LINGO2: variants seen among roughly 807,000 people sequenced by gnomAD.
LINGO2 encodes leucine rich repeat and Ig domain containing 2.
LINGO2 carries 14 observed loss-of-function variants against 30.6 expected under a neutral mutation model. That is an observed-to-expected ratio of 0.46 (90% CI 0.30 to 0.72). The LOEUF (loss-of-function observed/expected upper bound fraction) is 0.72. LINGO2 is among the 30% of genes least tolerant of loss of function. The pLI is 0.07. For synonymous variants in LINGO2, 317 were observed against 288.5 expected (o/e 1.10, Z -1.00); for missense variants, 729 against 751.7 (o/e 0.97, Z 0.35).
At chr9:28,054,064 C>CAAAAAAAAAAAAAAAAAAAAA (rs11461978) in intron 4 of LINGO2, among the ~76,000 whole-genome samples, 4 of 149,190 alleles carry the variant, frequency 2.7e-5, no homozygotes, top group African/African-American at 9.8e-5. Flanking sequence ...AGCTAGCAGA[C>CAAAAAAAAAAAAAAAAAAAAA]AAAAAAAAAG....
chr9:28,217,629 C>T (rs1442944830), intron 4 of LINGO2, among the ~76,000 whole-genome samples: 1 of 151,830 alleles, frequency 6.6e-6, no homozygotes, highest in Admixed American at 6.6e-5. Flanking sequence ...TCCTTATTTT[C>T]CCATAGTTTA....
chr9:28,248,970 G>A lies in LINGO2; in HGVS notation c.-87+46238C>T, dbSNP rs139087662. Among the ~76,000 whole-genome samples, 102 of 152,144 alleles carry A rather than the reference G, an allele frequency of 6.7e-4. No homozygotes were observed. The Middle Eastern group carries it at 0.01, about 15-fold the overall frequency. Reference sequence around the variant, plus strand: ...TCATTAATCTAAGCCATCTATGACAGGAACAGTGCTTTTCTAGGGCTTCTA... The same window carrying A: ...TCATTAATCTAAGCCATCTATGACAAGAACAGTGCTTTTCTAGGGCTTCTA... On this transcript the variant is annotated intron_variant, in intron 4 of 5. Coordinates refer to ENST00000379992, the Ensembl canonical transcript of LINGO2.
In LINGO2 at chr9:28,219,711, T is replaced by C. The variant is rs184702018; in HGVS notation, c.-87+75497A>G. Among the ~76,000 whole-genome samples the C allele has an allele frequency of 8.4e-4, 128 of 152,294 alleles. 1 individual carries two copies. The highest frequency in any genetic ancestry group is 2.6e-4 in the Non-Finnish European group (18 of 68,010). On this transcript the variant is annotated intron_variant, in intron 4 of 5. Transcript: ENST00000379992. ...TATACCCTTCATAGTTAGTTATGCA[T>C]GTTGTAGAACAGCATTTACAAAGTA... is the stretch of plus-strand genomic sequence containing the variant.
chr9:28,965,112 A>C, the LINGO2 span, among the ~76,000 whole-genome samples: 1 of 152,010 alleles, frequency 6.6e-6, no homozygotes, highest in Non-Finnish European at 1.5e-5. Context: ...AAGAGTAGAA[A>C]TGACATGCAT....
At chr9:28,918,227 G>A in the LINGO2 span, among the ~76,000 whole-genome samples, 1 of 152,142 alleles carries the variant, frequency 6.6e-6, no homozygotes, top group African/African-American at 2.4e-5. Context: ...AAATGAGGAA[G>A]ATGCAAAAGC....
the LINGO2 span, among the ~76,000 whole-genome samples, chr9:29,069,719 T>C: frequency 6.6e-6 from 1 of 152,044 alleles, no homozygotes; most frequent in African/African-American, 2.4e-5. Flanking sequence ...ACTAATCTGT[T>C]AATAGAGTTT....
At chr9:28,210,387 A>G (rs1190923711) in intron 4 of LINGO2, among the ~76,000 whole-genome samples, 1 of 151,598 alleles carries the variant, frequency 6.6e-6, no homozygotes, top group Non-Finnish European at 1.5e-5. Flanking sequence ...GAACTCCATC[A>G]CTTTGATGTG....
chr9:28,125,473 A>G (rs1226057001), intron 4 of LINGO2, among the ~76,000 whole-genome samples: 1 of 152,240 alleles, frequency 6.6e-6, no homozygotes, highest in East Asian at 1.9e-4. Flanking sequence ...GGCACTCTGG[A>G]CATAAAGTAT....
chr9:27,985,885 G>A (rs142775663), intron 5 of LINGO2, among the ~76,000 whole-genome samples: 11 of 151,872 alleles, frequency 7.2e-5, no homozygotes, highest in East Asian at 3.9e-4. Context: ...AAAATCAAAC[G>A]GAACTTGTTA....
At chr9:28,845,886 A>G in the LINGO2 span, among the ~76,000 whole-genome samples, 1 of 151,688 alleles carries the variant, frequency 6.6e-6, no homozygotes, top group Admixed American at 6.6e-5. Flanking sequence ...GATCTTATTA[A>G]GTTCAGAGAC....
chr9:28,693,351 T>C, the LINGO2 span, among the ~76,000 whole-genome samples: 1 of 152,192 alleles, frequency 6.6e-6, no homozygotes, highest in East Asian at 1.9e-4. Context: ...CTGTAACTGA[T>C]ACTTCATTCA....
chr9:28,317,602 A>G (rs1053164924), intron 3 of LINGO2, among the ~76,000 whole-genome samples: 2 of 152,166 alleles, frequency 1.3e-5, no homozygotes, highest in African/African-American at 2.4e-5. Flanking sequence ...TATTGTGAGG[A>G]TGAAATTTTA....
the LINGO2 span, among the ~76,000 whole-genome samples, chr9:28,713,585 G>A: frequency 0.34 from 50,937 of 151,826 alleles, 9,160 homozygotes; most frequent in Admixed American, 0.46. Flanking sequence ...TTCTAACAGG[G>A]CTTTTTGCTG....
At chr9:28,046,319 T>G (rs1205572182) in intron 4 of LINGO2, among the ~76,000 whole-genome samples, 1 of 152,168 alleles carries the variant, frequency 6.6e-6, no homozygotes, top group African/African-American at 2.4e-5. Flanking sequence ...TTCTCCAGTC[T>G]TAGCCTGTAT....
At chr9:28,554,199 C>A (rs1036179015) in intron 1 of LINGO2, among the ~76,000 whole-genome samples, 7 of 151,634 alleles carry the variant, frequency 4.6e-5, no homozygotes, top group Admixed American at 1.3e-4. Context: ...AAGACACAGA[C>A]TGGCAAATTG....
Position 28,372,166 on chromosome 9 carries a change from T to C in LINGO2, c.-246+670A>G, listed in dbSNP as rs115673992. ...CATACTTCCAACTTCACAATTTTGC[T>C]ACAGATTGAATCAGCTATTATATTT... On this transcript the variant is annotated intron_variant, in intron 3 of 5. Transcript: ENST00000379992. Among the ~76,000 whole-genome samples the C allele has an allele frequency of 4.8e-3, 725 of 152,316 alleles. 6 individuals are homozygous for C. The highest frequency in any genetic ancestry group is 0.016 in the African/African-American group (682 of 41,572).
intron 4 of LINGO2, among the ~76,000 whole-genome samples, chr9:28,249,339 T>C (rs1188331502): frequency 1.3e-5 from 2 of 152,156 alleles, no homozygotes; most frequent in African/African-American, 4.8e-5. Flanking sequence ...ATATTTGATA[T>C]GCTCAGACCA....
the LINGO2 span, among the ~76,000 whole-genome samples, chr9:29,089,981 T>C: frequency 2.0e-5 from 3 of 152,026 alleles, no homozygotes; most frequent in Non-Finnish European, 4.4e-5. Context: ...GTTAATAACA[T>C]ATAATTCTCA....
rs541238316 is a variant in LINGO2, at chr9:28,366,612, C to G, written c.-246+6224G>C. ...TTAGATATTAAGGTAGGATCATTCA[C>G]TTGCATTAGCTTCCTTGTGAGGAAA... On this transcript the variant is annotated intron_variant, in intron 3 of 5. Coordinates refer to ENST00000379992, the Ensembl canonical transcript of LINGO2. Among the ~76,000 whole-genome samples, 347 of 151,954 alleles carry G rather than the reference C, an allele frequency of 2.3e-3. 2 individuals are homozygous for G. The highest frequency in any genetic ancestry group is 4.2e-3 in the Non-Finnish European group (283 of 67,998).
Sources: allele counts gnomAD v4.1 joint callset (sites outside exome capture counted in the v4.1 genomes callset), GRCh38; gene constraint gnomAD v4.1.1; transcripts MANE v1.5; gene names NCBI Gene and HGNC (gene_info 2026-07-23, HGNC 2026-07-21).